The following RNFT2 variants were observed in gnomAD, a reference collection of about 807,000 sequenced individuals.
RNFT2 encodes the protein ring finger protein, transmembrane 2, also known as E3 ubiquitin-protein ligase RNFT2.
Under a neutral mutation model 53.0 loss-of-function variants are expected in RNFT2, and 36 were observed. The ratio of observed to expected loss-of-function variants is 0.68; its 90% CI spans 0.52 to 0.90. The LOEUF is 0.90. Among genes scored for constraint, RNFT2 ranks in the 40% least tolerant of loss-of-function variants. The pLI, the probability that RNFT2 is intolerant of heterozygous loss-of-function variation, is 0.00. For missense variants in RNFT2, 514 were observed against 585.6 expected (o/e 0.88, Z 1.26); for synonymous variants, 260 against 253.2 (o/e 1.03, Z -0.26).
chr12:116,750,359 C>A, intron 4 of RNFT2, 52 bp downstream of exon 4: 1 of 1,530,878 alleles, frequency 6.5e-7, no homozygotes, highest in Non-Finnish European at 8.8e-7. Context: ...AGGCAGGCTG[C>A]CTGCAGCCGG....
At chr12:116,755,974 A>G (rs986434082) in intron 5 of RNFT2, 1 of 752,614 alleles carries the variant, frequency 1.3e-6, no homozygotes, top group African/African-American at 1.7e-5. Flanking sequence ...ATGGCCTTAT[A>G]GTATAGGTTG....
At chr12:116,825,046 G>A (rs1231962771) in intron 7 of RNFT2, among the ~76,000 whole-genome samples, 1 of 152,160 alleles carries the variant, frequency 6.6e-6, no homozygotes, top group Admixed American at 6.6e-5. Flanking sequence ...TATCTGCTGG[G>A]GCTGGACTGT....
At chr12:116,786,363 G>A (rs537857637) in intron 7 of RNFT2, among the ~76,000 whole-genome samples, 12 of 152,066 alleles carry the variant, frequency 7.9e-5, no homozygotes, top group South Asian at 2.1e-4. Flanking sequence ...CACCCACCTC[G>A]GCCTCCCAAA....
rs997874546 is a variant in RNFT2 at position 116,849,704 on chromosome 12, T to G, written c.*256T>G. On this transcript the variant is annotated 3_prime_UTR_variant, in exon 11 of 11. Transcript: ENST00000257575. ...AACTCAGACTTGATGCCCTTCTAGATGCATCTTCCTTCTCCACTCCAAGTC... is the reference window on the plus strand; with the variant it reads ...AACTCAGACTTGATGCCCTTCTAGAGGCATCTTCCTTCTCCACTCCAAGTC... 4.1e-6 allele frequency: 5 copies of G among 1,226,074 alleles called. No individual in the cohort carries two copies. The highest frequency in any genetic ancestry group is 5.1e-6 in the Non-Finnish European group (5 of 982,794). The allele number at this position is 1,226,074 out of a possible 1,614,324, so 75.9% of individuals were successfully genotyped here. A position where few individuals can be genotyped will look rare whatever the true frequency, so the allele number is the denominator to read the frequency against.
chr12:116,753,862 T>A lies in RNFT2; in HGVS notation c.551-122T>A, dbSNP rs78256313. 2,426 of 697,538 alleles carry A rather than the reference T, an allele frequency of 3.5e-3. 53 individuals are homozygous for A. The African/African-American group carries it at 0.04, about 12-fold the overall frequency. 43.2% of individuals were successfully genotyped at this position (697,538 alleles called of 1,614,324 possible). A position where few individuals can be genotyped will look rare whatever the true frequency, so the allele number is the denominator to read the frequency against. On this transcript the variant is annotated intron_variant, in intron 4 of 10. Coordinates refer to ENST00000257575, the MANE Select transcript of RNFT2 (RefSeq NM_001382266.1). The stretch of plus-strand genomic sequence containing the variant: ...CCAAGAAGTGGGATTTTTTTTATTT[T>A]TCTCTCTCTTCTGTCAACTCTGAGG...
At chr12:116,770,917 A>G (rs1160290844) in intron 6 of RNFT2, among the ~76,000 whole-genome samples, 4 of 152,100 alleles carry the variant, frequency 2.6e-5, no homozygotes, top group African/African-American at 9.7e-5. Flanking sequence ...AAGTCCTTAA[A>G]GATACTCACT....
At chr12:116,748,722 C>G (rs948027262) in intron 3 of RNFT2, 1 of 437,324 alleles carries the variant, frequency 2.3e-6, no homozygotes, top group Non-Finnish European at 4.6e-6. Context: ...GACTGCAGAG[C>G]CAGCGGTCCT....
chr12:116,836,113 A>G, intron 9 of RNFT2, 68 bp from the exon 10 acceptor site: 1 of 1,594,228 alleles, frequency 6.3e-7, no homozygotes, highest in Non-Finnish European at 8.6e-7. Flanking sequence ...CACAGATCTC[A>G]CAGTGCTCCT....
Position 116,749,969 on chromosome 12 carries a change from C to G in RNFT2, c.212C>G (p.Ser71Trp). The part of the protein sequence containing the change: ...SGLSGSLPTS[S>W]FPSSLVLGSS... ...TTATCAGGCAGCCTCCCCACCAGCTCGTTCCCCTCCAGCCTGGTGCTGGGC... is the reference window on the plus strand; with the variant it reads ...TTATCAGGCAGCCTCCCCACCAGCTGGTTCCCCTCCAGCCTGGTGCTGGGC... Residue 71 changes from serine to tryptophan, a missense_variant, in exon 4 of 11, where the codon TCG becomes TGG. By Grantham distance (177) the Ser-to-Trp change is radical. Around this residue, in one of 3 missense-constraint regions of RNFT2, gnomAD observed 237 missense variants for 235.1 expected, o/e 1.01. Coordinates refer to ENST00000257575, the MANE Select transcript of RNFT2 (RefSeq NM_001382266.1). The G allele has an allele frequency of 6.4e-7, 1 of 1,562,220 alleles. No individual in the cohort carries two copies. The highest frequency in any genetic ancestry group is 8.7e-7 in the Non-Finnish European group (1 of 1,153,086).
intron 10 of RNFT2, among the ~76,000 whole-genome samples, chr12:116,837,174 G>A (rs541121450): frequency 6.6e-6 from 1 of 152,234 alleles, no homozygotes; most frequent in South Asian, 2.1e-4. Context: ...TCCTCCTCCT[G>A]ACATCAGGGA....
intron 7 of RNFT2, among the ~76,000 whole-genome samples, chr12:116,780,780 G>C (rs1873660858): frequency 6.6e-6 from 1 of 152,056 alleles, no homozygotes; most frequent in Non-Finnish European, 1.5e-5. Flanking sequence ...GAATGACGAG[G>C]ACCTTTTGCC....
intron 5 of RNFT2, 103 bp downstream of exon 5, chr12:116,754,163 T>C (rs1872386253): frequency 1.1e-6 from 1 of 910,760 alleles, no homozygotes; most frequent in Non-Finnish European, 1.8e-6. Flanking sequence ...TGTATCATTC[T>C]TATGCCTTTG....
chr12:116,806,389 T>TAG (rs376557134), intron 7 of RNFT2, among the ~76,000 whole-genome samples: 3,662 of 82,710 alleles, frequency 0.044, 124 homozygotes, highest in East Asian at 0.11. Context: ...AAAATATATA[T>TAG]ATATATATAT....
chr12:116,755,880 C>T (rs935515544), intron 5 of RNFT2: 59 of 1,503,466 alleles, frequency 3.9e-5, no homozygotes, highest in Non-Finnish European at 5.3e-5. Context: ...GTCATTTTGG[C>T]GAATTACTAG....
chr12:116,744,546 T>C (rs758189753), intron 3 of RNFT2, among the ~76,000 whole-genome samples: 9 of 152,268 alleles, frequency 5.9e-5, no homozygotes, highest in Non-Finnish European at 7.4e-5. Context: ...GTAGCAGGGC[T>C]GAGATTTGGG....
chr12:116,755,966 G>C (rs905198005), intron 5 of RNFT2: 2 of 780,264 alleles, frequency 2.6e-6, no homozygotes, highest in Non-Finnish European at 4.4e-6. Context: ...TGGTGACTAT[G>C]GCCTTATAGT....
At position 116,852,811 on chromosome 12, in the gene RNFT2, G is replaced by A; in HGVS notation, c.*3363G>A. On this transcript the variant is annotated 3_prime_UTR_variant, in exon 11 of 11. Coordinates refer to ENST00000257575, the MANE Select transcript of RNFT2 (RefSeq NM_001382266.1). The stretch of plus-strand genomic sequence containing the variant: ...TCAGCCTCCCTGTAGCCATCTCCAG[G>A]GTGACGGAACCCAGTGTATTACCTG... 8.3e-7 allele frequency: 1 copy of A among 1,204,058 alleles called. No individual in the cohort carries two copies. Among genetic ancestry groups the A allele is most frequent in the Admixed American group, 1.8e-5 (1 of 57,034 alleles). The allele number at this position is 1,204,058 out of a possible 1,614,324, so 74.6% of individuals were successfully genotyped here.
intron 7 of RNFT2, among the ~76,000 whole-genome samples, chr12:116,793,155 CCAT>C (rs1874334482): frequency 6.6e-6 from 1 of 151,624 alleles, no homozygotes; most frequent in Non-Finnish European, 1.5e-5. Flanking sequence ...AGCCCCAAAA[CCAT>C]CACACTGGCC....
chr12:116,743,230 A>AAACAAAAAAAAAC (rs1871713134), intron 3 of RNFT2, among the ~76,000 whole-genome samples: 1 of 120,768 alleles, frequency 8.3e-6, no homozygotes, highest in Non-Finnish European at 1.7e-5. Context: ...AAAAAAAAAA[A>AAACAAAAAAAAAC]AAAAAAAAAA....
Sources: gnomAD v4.1 joint callset for allele counts (sites outside exome capture counted in the v4.1 genomes callset) on GRCh38, gnomAD v4.1.1 for gene constraint, gnomAD v4.1.1 regional missense constraint, MANE v1.5 for transcripts, NCBI Gene and HGNC (gene_info 2026-07-23, HGNC 2026-07-21) for gene names.